The following TUFT1 variants were observed in gnomAD, a reference collection of about 807,000 sequenced individuals.
TUFT1 encodes tuftelin 1, also known as tuftelin.
In TUFT1, 43 loss-of-function variants were observed where a neutral mutation model predicts 57.8. That is an observed-to-expected ratio of 0.74 (90% CI 0.58 to 0.96). The LOEUF (loss-of-function observed/expected upper bound fraction) is 0.96. TUFT1 is among the 40% of genes least tolerant of loss of function. The pLI is 0.00. For synonymous variants in TUFT1, 166 were observed against 176.7 expected, an observed-to-expected ratio of 0.94 and a Z score of 0.48; for missense variants, 459 against 489.0, an observed-to-expected ratio of 0.94 and a Z score of 0.58.
intron 7 of TUFT1, among the ~76,000 whole-genome samples, chr1:151,571,819 A>T (rs1666257572): frequency 6.6e-6 from 1 of 152,202 alleles, no homozygotes; most frequent in African/African-American, 2.4e-5. Context: ...AAGTGCCCTG[A>T]CAGCTATAGC....
At chr1:151,564,491 C>G (rs780278624) in intron 4 of TUFT1, 34 bp from the exon 5 acceptor site, 6 of 1,558,588 alleles carry the variant, frequency 3.8e-6, no homozygotes, top group Non-Finnish European at 4.4e-6. Context: ...CTTTCTCTAC[C>G]CTAAAGCTCA....
intron 7 of TUFT1, among the ~76,000 whole-genome samples, chr1:151,572,173 C>G (rs1171643887): frequency 6.6e-6 from 1 of 152,108 alleles, no homozygotes; most frequent in African/African-American, 2.4e-5. Flanking sequence ...TGCACTCTAG[C>G]CTGGGCAACA....
chr1:151,579,010 G>C (rs1172699519), intron 10 of TUFT1, among the ~76,000 whole-genome samples, 184 bp downstream of exon 10: 1 of 152,176 alleles, frequency 6.6e-6, no homozygotes, highest in Non-Finnish European at 1.5e-5. Flanking sequence ...TGTTTTGTTT[G>C]TTTGTTTGCC....
chr1:151,580,818 C>T (rs992690065), intron 11 of TUFT1, 124 bp from the exon 12 acceptor site: 15 of 777,926 alleles, frequency 1.9e-5, no homozygotes, highest in African/African-American at 1.0e-4. Flanking sequence ...GGTGGTGGCA[C>T]GCATGGTGGG....
rs1450396869 is a variant in TUFT1 at position 151,569,713 on chromosome 1, G to A, written c.537G>A (p.Leu179=). 2 of 1,613,988 alleles carry A rather than the reference G, an allele frequency of 1.2e-6. No individual in the cohort carries two copies. Among genetic ancestry groups the A allele is most frequent in the African/African-American group, 2.7e-5 (2 of 74,940 alleles). Residue 179 remains leucine, a synonymous_variant, in exon 7 of 13, where the codon TTG becomes TTA. Coordinates refer to ENST00000368849, the MANE Select transcript of TUFT1 (RefSeq NM_020127.3). ...GCTTGAGGAAGACGGTGCAGGACTT[G>A]CTGGCCAAGCTTCAGGAGGCCAAGC... ...VESLRKTVQD[L]LAKLQEAKRQ... is the part of the protein sequence containing the mutation.
chr1:151,574,111 G>A (rs761785295), intron 7 of TUFT1, among the ~76,000 whole-genome samples, 159 bp from the exon 8 acceptor site: 4 of 152,180 alleles, frequency 2.6e-5, no homozygotes, highest in Non-Finnish European at 5.9e-5. Flanking sequence ...AGGTGGTCCT[G>A]TGCAGTGAAG....
intron 1 of TUFT1, among the ~76,000 whole-genome samples, chr1:151,544,202 A>T (rs1215443018): frequency 6.6e-6 from 1 of 151,940 alleles, no homozygotes; most frequent in Non-Finnish European, 1.5e-5. Flanking sequence ...GCTAGTCTTG[A>T]ACTCCTGGTT....
At chr1:151,564,833 C>A (rs1283602681) in intron 5 of TUFT1, 1 of 438,788 alleles carries the variant, frequency 2.3e-6, no homozygotes, top group African/African-American at 2.0e-5. Context: ...AACATAAGTA[C>A]ACCTGCTCCT....
rs1418416038 is a variant in TUFT1 at position 151,582,864 on chromosome 1, C to G, written c.*1157C>G. 6.6e-6 allele frequency: 1 copy of G among 152,080 alleles called. No homozygotes were observed. The highest frequency in any genetic ancestry group is 6.5e-5 in the Admixed American group (1 of 15,270). The allele number at this position is 152,080 out of a possible 1,614,324, so 9.4% of individuals were successfully genotyped here. A position where few individuals can be genotyped will look rare whatever the true frequency, so the allele number is the denominator to read the frequency against. On this transcript the variant is annotated 3_prime_UTR_variant, in exon 13 of 13. Coordinates refer to ENST00000368849, the MANE Select transcript of TUFT1 (RefSeq NM_020127.3). ...GAGTTCTTCACTAGCCCTTCTGAAC[C>G]CCTTGCTCCATAATTGGTCTTTTAT...
In TUFT1 at chr1:151,583,327, A is replaced by G. The variant is rs1304663058; in HGVS notation, c.*1620A>G. The stretch of plus-strand genomic sequence containing the variant: ...TAGGAATCAGAAAAATTCAAAACAA[A>G]TGTGGATTAAGTGTTTAGGCTCTAT... On this transcript the variant is annotated 3_prime_UTR_variant, in exon 13 of 13. Coordinates refer to ENST00000368849, the MANE Select transcript of TUFT1 (RefSeq NM_020127.3). The G allele has an allele frequency of 6.6e-6, 1 of 152,154 alleles. No individual in the cohort carries two copies. The highest frequency in any genetic ancestry group is 1.9e-4 in the East Asian group (1 of 5,202). 9.4% of individuals were successfully genotyped at this position (152,154 alleles called of 1,614,324 possible).
chr1:151,556,201 A>G (rs1416416543), intron 1 of TUFT1, among the ~76,000 whole-genome samples: 1 of 152,200 alleles, frequency 6.6e-6, no homozygotes, highest in African/African-American at 2.4e-5. Context: ...GCTGAGTAGT[A>G]TTCCACAATA....
intron 9 of TUFT1, among the ~76,000 whole-genome samples, chr1:151,578,233 T>G (rs1352323038): frequency 2.0e-5 from 3 of 152,204 alleles, no homozygotes; most frequent in Non-Finnish European, 2.9e-5. Context: ...TTATCCAGAA[T>G]GACTTATCCC....
chr1:151,545,645 ACT>A (rs1558000071), intron 1 of TUFT1, among the ~76,000 whole-genome samples: 2 of 151,874 alleles, frequency 1.3e-5, no homozygotes, highest in South Asian at 4.2e-4. Context: ...GAGTCTGGGA[ACT>A]CTCTGGTTTG....
chr1:151,557,430 C>A, intron 1 of TUFT1: 1 of 1,102,286 alleles, frequency 9.1e-7, no homozygotes. Flanking sequence ...CAGCCCCGGC[C>A]CCTACAGCCA....
intron 1 of TUFT1, among the ~76,000 whole-genome samples, chr1:151,555,535 T>C (rs1186319643): frequency 6.6e-6 from 1 of 151,264 alleles, no homozygotes; most frequent in African/African-American, 2.4e-5. Context: ...TCCAAGCACT[T>C]TGGGAGGCCG....
intron 1 of TUFT1, among the ~76,000 whole-genome samples, chr1:151,560,956 T>TTGTGTGTGTGTGTGTG (rs68056033): frequency 1.3e-4 from 17 of 132,450 alleles, no homozygotes; most frequent in Non-Finnish European, 2.4e-4. Flanking sequence ...CTGCAAAGTA[T>TTGTGTGTGTGTGTGTG]TGTGTGTGTG....
chr1:151,570,412 G>T (rs150769750), intron 7 of TUFT1, among the ~76,000 whole-genome samples: 1,854 of 152,138 alleles, frequency 0.012, 43 homozygotes, highest in African/African-American at 0.04. Context: ...CTCCCGAGTA[G>T]CTGGTACTAC....
At chr1:151,548,305 C>CTTTTT (rs11435666) in intron 1 of TUFT1, among the ~76,000 whole-genome samples, 4 of 130,582 alleles carry the variant, frequency 3.1e-5, no homozygotes, top group East Asian at 2.2e-4. Context: ...TTTTTCTTTT[C>CTTTTT]TTTTTTTTTT....
chr1:151,580,380 G>A (rs993053769), intron 11 of TUFT1, among the ~76,000 whole-genome samples: 2 of 152,186 alleles, frequency 1.3e-5, no homozygotes, highest in Admixed American at 6.5e-5. Flanking sequence ...ATATATAGGG[G>A]CCAGGTGCAG....
Sources: gnomAD v4.1 joint callset for allele counts (sites outside exome capture counted in the v4.1 genomes callset) on GRCh38, gnomAD v4.1.1 for gene constraint, MANE v1.5 for transcripts, NCBI Gene and HGNC (gene_info 2026-07-23, HGNC 2026-07-21) for gene names.